Variants in HPSE2 observed in about 807,000 individuals in gnomAD.
HPSE2 encodes the protein inactive heparanase-2.
A neutral mutation model predicts 60.5 loss-of-function variants in HPSE2; 38 were observed. That is an observed-to-expected ratio of 0.63 (90% CI 0.48 to 0.82). The LOEUF is 0.82. HPSE2 is among the 40% of genes least tolerant of loss of function. HPSE2 has a pLI of 0.00. For synonymous variants in HPSE2, 295 were observed against 293.2 expected, an observed-to-expected ratio of 1.01 and a Z score of -0.06; for missense variants, 713 against 740.4, an observed-to-expected ratio of 0.96 and a Z score of 0.43.
At chr10:98,555,858 A>G (rs1943994040) in intron 9 of HPSE2, among the ~76,000 whole-genome samples, 1 of 152,174 alleles carries the variant, frequency 6.6e-6, no homozygotes, top group African/African-American at 2.4e-5. Context: ...AAACAGCCAT[A>G]ATACCAAGCA....
chr10:99,098,678 T>C (rs1843812467), intron 3 of HPSE2, among the ~76,000 whole-genome samples: 1 of 152,200 alleles, frequency 6.6e-6, no homozygotes. Flanking sequence ...ACTTTATTTA[T>C]TACACATAGA....
intron 3 of HPSE2, among the ~76,000 whole-genome samples, chr10:98,850,944 A>T (rs1056009120): frequency 2.0e-5 from 3 of 152,168 alleles, no homozygotes; most frequent in Admixed American, 1.3e-4. Context: ...GAAGAAATAG[A>T]TGTGTAATTA....
intron 3 of HPSE2, among the ~76,000 whole-genome samples, chr10:99,128,598 A>T (rs957907084): frequency 6.6e-6 from 1 of 152,110 alleles, no homozygotes; most frequent in African/African-American, 2.4e-5. Context: ...ACCAAACACC[A>T]TATGTTCTCA....
intron 3 of HPSE2, among the ~76,000 whole-genome samples, chr10:98,814,308 T>C (rs1951236131): frequency 6.6e-6 from 1 of 152,222 alleles, no homozygotes; most frequent in African/African-American, 2.4e-5. Flanking sequence ...TTATAGCCTA[T>C]AATTTAGCTA....
rs562941746 is a variant in HPSE2, at chr10:99,146,405, G to A, written c.449-2006C>T. Among the ~76,000 whole-genome samples, 18 of 152,306 alleles carry A rather than the reference G, an allele frequency of 1.2e-4. 1 individual carries two copies. The South Asian group carries it at 2.7e-3, about 23-fold the overall frequency. ...GGTTCTGGAAAATGAGCTGCAGGCC[G>A]ACATCTTAAAGGGGGACTTCCCTTG... is the stretch of plus-strand genomic sequence containing the variant. On this transcript the variant is annotated intron_variant, in intron 2 of 11. Coordinates refer to ENST00000370552, the MANE Select transcript of HPSE2 (RefSeq NM_021828.5).
At chr10:98,742,652 A>C (rs547151769) in intron 4 of HPSE2, among the ~76,000 whole-genome samples, 14 of 152,164 alleles carry the variant, frequency 9.2e-5, no homozygotes, top group Non-Finnish European at 1.5e-4. Flanking sequence ...AAATCTACAG[A>C]ATAACATATG....
intron 9 of HPSE2, among the ~76,000 whole-genome samples, chr10:98,556,162 C>T (rs574945913): frequency 2.0e-5 from 3 of 152,246 alleles, no homozygotes; most frequent in Non-Finnish European, 2.9e-5. Flanking sequence ...TACCAGATAG[C>T]GACACAGAGT....
At chr10:98,600,923 A>G (rs374754748) in intron 9 of HPSE2, among the ~76,000 whole-genome samples, 6,230 of 39,006 alleles carry the variant, frequency 0.16, 383 homozygotes, top group South Asian at 0.33. Flanking sequence ...ATATATATAT[A>G]TATATATATA....
chr10:99,302,887 T>C, the HPSE2 span, among the ~76,000 whole-genome samples: 1 of 151,042 alleles, frequency 6.6e-6, no homozygotes, highest in South Asian at 2.1e-4. Context: ...GACTGGCAAC[T>C]AGATTTTACT....
chr10:99,095,512 A>C (rs1843690647), intron 3 of HPSE2, among the ~76,000 whole-genome samples: 1 of 152,190 alleles, frequency 6.6e-6, no homozygotes, highest in South Asian at 2.1e-4. Flanking sequence ...GAACATTTTC[A>C]TCACCCACAA....
intron 3 of HPSE2, among the ~76,000 whole-genome samples, chr10:98,920,100 C>T (rs1287182421): frequency 6.6e-6 from 1 of 152,222 alleles, no homozygotes; most frequent in Non-Finnish European, 1.5e-5. Context: ...CCCACTTCCA[C>T]ACCTTCTGAC....
At chr10:98,674,248 A>G (rs1947579668) in intron 6 of HPSE2, among the ~76,000 whole-genome samples, 1 of 152,238 alleles carries the variant, frequency 6.6e-6, no homozygotes, top group Non-Finnish European at 1.5e-5. Context: ...AAGAACTTCT[A>G]TTTCTCTGAG....
At chr10:98,729,876 A>C (rs1436442821) in intron 4 of HPSE2, among the ~76,000 whole-genome samples, 2 of 152,122 alleles carry the variant, frequency 1.3e-5, no homozygotes, top group East Asian at 3.8e-4. Flanking sequence ...AGAGAGAAAT[A>C]GAAAATTCAA....
At chr10:99,078,061 C>T (rs1843007534) in intron 3 of HPSE2, among the ~76,000 whole-genome samples, 2 of 152,148 alleles carry the variant, frequency 1.3e-5, no homozygotes, top group Non-Finnish European at 2.9e-5. Flanking sequence ...GCCTGCTCCC[C>T]TATCACCTTC....
At chr10:98,928,901 G>A (rs1262337276) in intron 3 of HPSE2, among the ~76,000 whole-genome samples, 2 of 139,388 alleles carry the variant, frequency 1.4e-5, no homozygotes, top group Admixed American at 1.4e-4. Flanking sequence ...TGACGAGGTA[G>A]TGGGTGCAGC....
intron 6 of HPSE2, among the ~76,000 whole-genome samples, chr10:98,691,589 A>C (rs1948078672): frequency 6.6e-6 from 1 of 152,212 alleles, no homozygotes; most frequent in African/African-American, 2.4e-5. Flanking sequence ...AATCCTATAA[A>C]TTCTTAAAGG....
At chr10:99,161,211 ACT>A (rs1846828513) in intron 2 of HPSE2, among the ~76,000 whole-genome samples, 1 of 150,438 alleles carries the variant, frequency 6.6e-6, no homozygotes, top group African/African-American at 2.5e-5. Context: ...ACAGAGTGAG[ACT>A]CTGTTAAAAA....
intron 3 of HPSE2, among the ~76,000 whole-genome samples, chr10:98,929,419 G>T (rs1327961771): frequency 6.9e-6 from 1 of 144,150 alleles, no homozygotes; most frequent in Non-Finnish European, 1.5e-5. Flanking sequence ...AATGGAAAAT[G>T]GAGGTAGAAA....
At chr10:99,255,957 C>T in the HPSE2 span, among the ~76,000 whole-genome samples, 1 of 152,176 alleles carries the variant, frequency 6.6e-6, no homozygotes, top group African/African-American at 2.4e-5. Context: ...CCTCAGGAAA[C>T]TTACAATCAT....
Sources: gnomAD v4.1 joint callset for allele counts (sites outside exome capture counted in the v4.1 genomes callset) on GRCh38, gnomAD v4.1.1 for gene constraint, MANE v1.5 for transcripts, NCBI Gene and HGNC (gene_info 2026-07-23, HGNC 2026-07-21) for gene names.